SPRY3: variants seen among roughly 807,000 people sequenced by gnomAD.
SPRY3 encodes protein sprouty homolog 3.
SPRY3 carries 15 observed loss-of-function variants against 20.2 expected under a neutral mutation model. The observed-to-expected ratio is 0.74, with a 90% confidence interval of 0.50 to 1.14. SPRY3 has a LOEUF of 1.14. Ranked by LOEUF, SPRY3 falls within the 50% of genes most tolerant of loss-of-function variation. The pLI is 0.00. For missense variants in SPRY3, 364 were observed against 363.9 expected, an observed-to-expected ratio of 1.00 and a Z score of 0.00; for synonymous variants, 143 against 136.5, an observed-to-expected ratio of 1.05 and a Z score of -0.33.
chrX:155,759,846 C>T (rs892353985), intron 2 of SPRY3, among the ~76,000 whole-genome samples: 33 of 152,062 alleles, frequency 2.2e-4, no homozygotes, highest in African/African-American at 8.0e-4. Context: ...GTAAGTAAGC[C>T]ATTTAAATAT....
At chrX:155,768,506 G>A (rs2091360746) in intron 3 of SPRY3, among the ~76,000 whole-genome samples, 1 of 151,760 alleles carries the variant, frequency 6.6e-6, no homozygotes, top group Non-Finnish European at 1.5e-5. Context: ...GAGAGCCCGT[G>A]CTAAGGCCAG....
rs191665513 is a variant in SPRY3 at position 155,738,027 on chromosome X, C to T, written c.-281-29935C>T. 2.6e-5 allele frequency among the ~76,000 whole-genome samples: 4 copies of T among 152,022 alleles called. No individual in the cohort carries two copies. The East Asian group carries it at 7.7e-4, about 29-fold the overall frequency. ...AATAATTAGGACCTAATTCTCACAC[C>T]TTGTATAAAAATCCATGCAAAATAG... On this transcript the variant is annotated intron_variant, in intron 2 of 3. Coordinates refer to ENST00000675360, the Ensembl canonical transcript of SPRY3.
chrX:155,724,333 T>C (rs1416681132), intron 2 of SPRY3, among the ~76,000 whole-genome samples: 1 of 152,188 alleles, frequency 6.6e-6, no homozygotes, highest in Admixed American at 6.5e-5. Context: ...AAGTCATTGG[T>C]AGCTCGATGG....
Position 155,753,590 on chromosome X carries a change from C to A in SPRY3, c.-281-14372C>A, listed in dbSNP as rs186972666. ...GTTTTCAACTTTTTTGGTTATATATCTAGGAATGGAATTACTAGATCATAT... is the reference window on the plus strand; with the variant it reads ...GTTTTCAACTTTTTTGGTTATATATATAGGAATGGAATTACTAGATCATAT... On this transcript the variant is annotated intron_variant, in intron 2 of 3. Transcript: ENST00000675360. Among the ~76,000 whole-genome samples, 73 of 151,864 alleles carry A rather than the reference C, an allele frequency of 4.8e-4. No individual in the cohort carries two copies. In the Middle Eastern group the frequency reaches 0.01, roughly 21 times the overall value.
intron 2 of SPRY3, among the ~76,000 whole-genome samples, chrX:155,725,728 G>T (rs956685663): frequency 2.6e-5 from 4 of 151,802 alleles, no homozygotes; most frequent in Admixed American, 1.3e-4. Flanking sequence ...TATTAGTCTT[G>T]CTAGCGGTCT....
At chrX:155,744,108 T>A (rs1482909167) in intron 2 of SPRY3, among the ~76,000 whole-genome samples, 1 of 151,990 alleles carries the variant, frequency 6.6e-6, no homozygotes, top group Non-Finnish European at 1.5e-5. Flanking sequence ...CAAGGCATCT[T>A]GCGACTCTGA....
chrX:155,724,418 C>T (rs2091083811), intron 2 of SPRY3, among the ~76,000 whole-genome samples: 1 of 152,166 alleles, frequency 6.6e-6, no homozygotes, highest in Non-Finnish European at 1.5e-5. Flanking sequence ...TACCCATGAG[C>T]ATGGAATGTT....
chrX:155,661,345 G>A (rs782186888), intron 2 of SPRY3, among the ~76,000 whole-genome samples: 58 of 111,977 alleles, frequency 5.2e-4, no homozygotes, highest in Non-Finnish European at 7.9e-4. Context: ...TAAGAAGACT[G>A]AAAATAGGAC....
intron 1 of SPRY3, among the ~76,000 whole-genome samples, chrX:155,616,421 C>A (rs1231156040): frequency 9.1e-6 from 1 of 110,414 alleles, no homozygotes; most frequent in Admixed American, 9.7e-5. Context: ...CTCAACCACC[C>A]CAACAGAGAC....
intron 2 of SPRY3, among the ~76,000 whole-genome samples, chrX:155,762,429 G>T (rs1602996449): frequency 2.0e-5 from 3 of 151,426 alleles, no homozygotes; most frequent in African/African-American, 7.4e-5. Context: ...ATGAGACAAT[G>T]AATTATATTG....
intron 1 of SPRY3, among the ~76,000 whole-genome samples, chrX:155,654,721 G>A (rs1271471668): frequency 9.3e-6 from 1 of 108,020 alleles, no homozygotes; most frequent in African/African-American, 3.4e-5. Flanking sequence ...GTGTGTGTGT[G>A]TGTGTGTGTG....
chrX:155,677,067 A>G (rs762866947), intron 2 of SPRY3, among the ~76,000 whole-genome samples: 1 of 111,988 alleles, frequency 8.9e-6, no homozygotes, highest in African/African-American at 3.2e-5. Context: ...ATTAAATCAT[A>G]TAATTGTATA....
At chrX:155,717,236 C>A (rs2091029570) in intron 2 of SPRY3, among the ~76,000 whole-genome samples, 1 of 150,990 alleles carries the variant, frequency 6.6e-6, no homozygotes, top group African/African-American at 2.4e-5. Context: ...TGTTATCTTC[C>A]CAATCAGCCA....
chrX:155,649,235 T>C (rs1243605892), intron 1 of SPRY3, among the ~76,000 whole-genome samples: 2 of 111,293 alleles, frequency 1.8e-5, no homozygotes, highest in African/African-American at 6.5e-5. Flanking sequence ...TTCCAAACAA[T>C]AGAAAAAGAG....
chrX:155,622,111 C>T (rs934333225), intron 1 of SPRY3, among the ~76,000 whole-genome samples: 1 of 112,025 alleles, frequency 8.9e-6, no homozygotes, highest in Non-Finnish European at 1.9e-5. Flanking sequence ...GCATGATGGG[C>T]ATTCAGAAAA....
At chrX:155,736,000 G>T (rs989234654) in intron 2 of SPRY3, among the ~76,000 whole-genome samples, 8 of 151,020 alleles carry the variant, frequency 5.3e-5, no homozygotes, top group African/African-American at 1.9e-4. Context: ...TTAAGTGGTT[G>T]TCCTAGAGTT....
intron 1 of SPRY3, among the ~76,000 whole-genome samples, chrX:155,617,530 A>T (rs2067857656): frequency 8.9e-6 from 1 of 111,914 alleles, no homozygotes; most frequent in Admixed American, 9.5e-5. Context: ...CAGCATCAAG[A>T]GCTAGATTCC....
At chrX:155,757,467 G>A (rs1416367993) in intron 2 of SPRY3, among the ~76,000 whole-genome samples, 4 of 152,142 alleles carry the variant, frequency 2.6e-5, no homozygotes, top group Non-Finnish European at 5.9e-5. Context: ...ATGGAGAAAG[G>A]AAGATAACGA....
intron 1 of SPRY3, among the ~76,000 whole-genome samples, chrX:155,644,100 A>G (rs2124539291): frequency 9.0e-6 from 1 of 110,892 alleles, no homozygotes; most frequent in South Asian, 3.9e-4. Context: ...TTGTCTGGGA[A>G]AGTTATTATT....
Sources: allele counts gnomAD v4.1 joint callset (sites outside exome capture counted in the v4.1 genomes callset), GRCh38; gene constraint gnomAD v4.1.1; transcripts MANE v1.5; gene names NCBI Gene and HGNC (gene_info 2026-07-23, HGNC 2026-07-21).